Variants in NCALD observed in about 807,000 individuals in gnomAD.
NCALD encodes neurocalcin-delta.
NCALD carries 10 observed loss-of-function variants against 18.6 expected under a neutral mutation model. That is an observed-to-expected ratio of 0.54 (90% CI 0.33 to 0.91). The LOEUF is 0.91. NCALD is among the 40% of genes least tolerant of loss of function. The pLI is 0.03. For synonymous variants in NCALD, 88 were observed against 87.4 expected (o/e 1.01, Z -0.04); for missense variants, 184 against 247.6 (o/e 0.74, Z 1.72).
At chr8:101,951,370 G>A (rs1250842624) in intron 2 of NCALD, among the ~76,000 whole-genome samples, 1 of 152,148 alleles carries the variant, frequency 6.6e-6, no homozygotes, top group African/African-American at 2.4e-5. Flanking sequence ...GAGGCAACTG[G>A]AGCACCTTCA....
rs1359789851 is a variant in NCALD, at chr8:101,689,196, C to G, written c.*113G>C. ...ACGGAGGAAGGCGCATCAGACCGCA[C>G]AGGGGACGGCATCACCATTGATATT... On this transcript the variant is annotated 3_prime_UTR_variant, in exon 4 of 4. Transcript: ENST00000220931. The surrounding 1 kb of genome is among the most constrained non-coding windows in gnomAD (Gnocchi z 4.4). 2.1e-6 allele frequency: 2 copies of G among 972,176 alleles called. No individual in the cohort carries two copies. Among genetic ancestry groups the G allele is most frequent in the African/African-American group, 1.6e-5 (1 of 60,764 alleles). The allele number at this position is 972,176 out of a possible 1,614,324, so 60.2% of individuals were successfully genotyped here.
intron 1 of NCALD, among the ~76,000 whole-genome samples, chr8:101,763,966 C>CCCTCTCTCCACACA (rs1554624883): frequency 4.8e-4 from 41 of 85,292 alleles, no homozygotes; most frequent in African/African-American, 1.4e-3. Flanking sequence ...CTCTCTCTCT[C>CCCTCTCTCCACACA]CACACACACA....
At chr8:101,880,715 A>G (rs1053765505) in intron 4 of NCALD, among the ~76,000 whole-genome samples, 1 of 152,262 alleles carries the variant, frequency 6.6e-6, no homozygotes, top group Non-Finnish European at 1.5e-5. Context: ...AATTCCAACT[A>G]AGAAAATTTG....
In NCALD at chr8:101,691,254, C is replaced by A. The variant is rs550608177; in HGVS notation, c.484+1537G>T. On this transcript the variant is annotated intron_variant, in intron 3 of 3. Transcript: ENST00000220931. ...CTCCTTCCTTCTACAGCTCCCACCC[C>A]CCTCTCCCAACCCTAACCTTTGAAA... 4 of 985,316 alleles carry A rather than the reference C, an allele frequency of 4.1e-6. No individual in the cohort carries two copies. In the South Asian group the frequency reaches 1.4e-4, roughly 35 times the overall value. The allele number at this position is 985,316 out of a possible 1,614,324, so 61.0% of individuals were successfully genotyped here. A position where few individuals can be genotyped will look rare whatever the true frequency, so the allele number is the denominator to read the frequency against.
At chr8:101,699,843 G>C (rs557434630) in intron 2 of NCALD, among the ~76,000 whole-genome samples, 1 of 152,040 alleles carries the variant, frequency 6.6e-6, no homozygotes, top group African/African-American at 2.4e-5. Context: ...TGGGTTGATA[G>C]GTGCAGCAAA....
At chr8:102,104,669 C>T (rs1463886592) in intron 1 of NCALD, among the ~76,000 whole-genome samples, 1 of 152,068 alleles carries the variant, frequency 6.6e-6, no homozygotes, top group South Asian at 2.1e-4. Flanking sequence ...TGTTCAGTAG[C>T]GATGTGGGTT....
chr8:102,075,682 C>T (rs921003706), intron 1 of NCALD, among the ~76,000 whole-genome samples: 5 of 152,092 alleles, frequency 3.3e-5, no homozygotes, highest in Non-Finnish European at 5.9e-5. Flanking sequence ...TGGCTAGGTG[C>T]GGTAGCTCAT....
At chr8:101,738,189 A>G (rs917966254) in intron 1 of NCALD, among the ~76,000 whole-genome samples, 3 of 152,176 alleles carry the variant, frequency 2.0e-5, no homozygotes, top group Non-Finnish European at 4.4e-5. Context: ...GGAAACTGAG[A>G]GTAGTCTCAA....
Position 101,689,442 on chromosome 8 carries a change from G to A in NCALD, c.485-36C>T. 1 of 1,522,896 alleles carries A rather than the reference G, an allele frequency of 6.6e-7. No individual in the cohort carries two copies. The highest frequency in any genetic ancestry group is 9.0e-7 in the Non-Finnish European group (1 of 1,115,302). The allele number at this position is 1,522,896 out of a possible 1,614,324, so 94.3% of individuals were successfully genotyped here. A position where few individuals can be genotyped will look rare whatever the true frequency, so the allele number is the denominator to read the frequency against. On this transcript the variant is annotated intron_variant, in intron 3 of 3. Coordinates refer to ENST00000220931, the MANE Select transcript of NCALD (RefSeq NM_032041.3). The surrounding 1 kb of genome is among the most constrained non-coding windows in gnomAD (Gnocchi z 4.4). ...AGAGGACAGGTGAGTGGTGGCTGGT[G>A]GCAGCTGCATGAGCTTACACCCTTC...
chr8:101,695,977 C>G (rs1490541726), intron 2 of NCALD, among the ~76,000 whole-genome samples: 1 of 151,658 alleles, frequency 6.6e-6, no homozygotes, highest in Non-Finnish European at 1.5e-5. Flanking sequence ...TTTTAGTTTC[C>G]TCTTTTCTTT....
chr8:102,047,000 C>A (rs1408595959), intron 1 of NCALD, among the ~76,000 whole-genome samples: 2 of 152,154 alleles, frequency 1.3e-5, no homozygotes, highest in Non-Finnish European at 2.9e-5. Flanking sequence ...TAGACCCCAG[C>A]GTCTGTTGTT....
At chr8:102,020,890 G>T (rs1822249836) in intron 1 of NCALD, among the ~76,000 whole-genome samples, 2 of 151,966 alleles carry the variant, frequency 1.3e-5, no homozygotes, top group African/African-American at 2.4e-5. Context: ...CTCACCCCTT[G>T]CCAGCTCCCA....
intron 1 of NCALD, among the ~76,000 whole-genome samples, chr8:102,054,691 T>C (rs1432607434): frequency 1.7e-5 from 2 of 117,050 alleles, no homozygotes; most frequent in Non-Finnish European, 1.9e-5. Context: ...GATAGATAGA[T>C]AGATAGATAG....
intron 2 of NCALD, among the ~76,000 whole-genome samples, chr8:101,992,819 A>C (rs1408198873): frequency 6.6e-6 from 1 of 151,904 alleles, no homozygotes; most frequent in Non-Finnish European, 1.5e-5. Flanking sequence ...CTCAACATTT[A>C]CTATTCTTAT....
chr8:102,065,754 G>A lies in NCALD; in HGVS notation c.-209-45465C>T, dbSNP rs73279684. On this transcript the variant is annotated intron_variant, in intron 1 of 6. Transcript: ENST00000311028. Reference sequence around the variant, plus strand: ...AGCACTTTGGGAGGCTGGGAGGATCGCTTGAGGCCAGGAGTTCAAGACCAG... The same window carrying A: ...AGCACTTTGGGAGGCTGGGAGGATCACTTGAGGCCAGGAGTTCAAGACCAG... Among the ~76,000 whole-genome samples the A allele has an allele frequency of 5.5e-3, 844 of 152,210 alleles. 12 individuals carry two copies. The highest frequency in any genetic ancestry group is 0.019 in the African/African-American group (799 of 41,530).
At chr8:101,941,521 T>C (rs1237043776) in intron 2 of NCALD, among the ~76,000 whole-genome samples, 1 of 152,224 alleles carries the variant, frequency 6.6e-6, no homozygotes, top group Non-Finnish European at 1.5e-5. Flanking sequence ...AAATCTAATA[T>C]AACATTCATT....
intron 1 of NCALD, among the ~76,000 whole-genome samples, chr8:102,048,457 G>A (rs1383647870): frequency 6.6e-6 from 1 of 152,178 alleles, no homozygotes; most frequent in Non-Finnish European, 1.5e-5. Flanking sequence ...ACCACTCAGA[G>A]ACTCTTTCTC....
At chr8:101,962,608 A>G (rs557331224) in intron 2 of NCALD, among the ~76,000 whole-genome samples, 1 of 152,296 alleles carries the variant, frequency 6.6e-6, no homozygotes, top group East Asian at 1.9e-4. Context: ...ATCTTGCTGG[A>G]TATGCAAAAT....
At chr8:101,932,090 T>C (rs1438511449) in intron 2 of NCALD, among the ~76,000 whole-genome samples, 1 of 152,118 alleles carries the variant, frequency 6.6e-6, no homozygotes, top group Non-Finnish European at 1.5e-5. Context: ...CCCCTCTGTT[T>C]TCAGTGGCAG....
Sources: allele counts gnomAD v4.1 joint callset (sites outside exome capture counted in the v4.1 genomes callset), GRCh38; gene constraint gnomAD v4.1.1; non-coding constraint Gnocchi (gnomAD v3.1); transcripts MANE v1.5; gene names NCBI Gene and HGNC (gene_info 2026-07-23, HGNC 2026-07-21).